The following MTERF4 variants were observed in gnomAD, a reference collection of about 807,000 sequenced individuals.
The protein encoded by MTERF4 is transcription termination factor 4, mitochondrial.
MTERF4 carries 17 observed loss-of-function variants against 22.5 expected under a neutral mutation model. That is an observed-to-expected ratio of 0.75 (90% CI 0.52 to 1.13). The LOEUF is 1.13. Among genes scored for constraint, MTERF4 ranks in the 50% most tolerant of loss-of-function variants. The probability of loss-of-function intolerance (pLI) is 0.00; values close to 1 mark genes in which losing one functional copy is unlikely to be tolerated. For synonymous variants in MTERF4, 165 were observed against 175.3 expected (o/e 0.94, Z 0.47); for missense variants, 420 against 466.8 (o/e 0.90, Z 0.92).
At chr2:241,089,640 G>A (rs1303142703), downstream of MTERF4, among the ~76,000 whole-genome samples, 3 of 152,146 alleles carry the variant, frequency 2.0e-5, no homozygotes, top group Non-Finnish European at 4.4e-5. Flanking sequence ...ATCACTTCCC[G>A]CTCCCACCTC....
intron 1 of MTERF4, 107 bp downstream of exon 1, chr2:241,102,146 G>C: frequency 6.7e-7 from 1 of 1,484,316 alleles, no homozygotes; most frequent in Non-Finnish European, 9.2e-7. Flanking sequence ...GGACCTCCGG[G>C]AGGGCTCCAC....
At chr2:241,086,655 C>T (rs1299890575), downstream of MTERF4, among the ~76,000 whole-genome samples, 1 of 152,202 alleles carries the variant, frequency 6.6e-6, no homozygotes, top group Admixed American at 6.5e-5. Flanking sequence ...GTTACTCTTT[C>T]ATGTCCAGAA....
chr2:241,050,585 T>A, the MTERF4 span, among the ~76,000 whole-genome samples: 1 of 152,232 alleles, frequency 6.6e-6, no homozygotes, highest in Non-Finnish European at 1.5e-5. Context: ...TCCTTGTCCC[T>A]GAGGGAAAGA....
intron 4 of MTERF4, among the ~76,000 whole-genome samples, chr2:241,079,991 CTTGT>C (rs1016654117): frequency 1.4e-4 from 21 of 152,050 alleles, no homozygotes; most frequent in African/African-American, 5.1e-4. Flanking sequence ...AGTTAAAAAT[CTTGT>C]TTGTTTTGGC....
downstream of MTERF4, chr2:241,095,558 C>T (rs2064357703): frequency 5.7e-6 from 1 of 175,496 alleles, no homozygotes; most frequent in African/African-American, 2.4e-5. Flanking sequence ...CTATGATGTA[C>T]TAAAACCTCA....
chr2:241,048,812 A>G, the MTERF4 span: 1 of 1,477,692 alleles, frequency 6.8e-7, no homozygotes, highest in South Asian at 1.2e-5. Flanking sequence ...GAGCATCCTC[A>G]TAATCGGGAA....
Position 241,096,437 on chromosome 2 carries a change from T to C in MTERF4, c.707A>G (p.Tyr236Cys), listed in dbSNP as rs762449461. Residue 236 changes from tyrosine (Y) to cysteine (C), a missense_variant and splice_region_variant, in exon 4 of 4, where the codon TAT becomes TGT. Transcript: ENST00000391980. The surrounding 1 kb of genome is among the most constrained non-coding windows in gnomAD (Gnocchi z 5.1). Reference sequence around the variant, plus strand: ...CTTAATTCCCATCCTGAAGTATGCATACTGGAAGACACAAACACACTTAGG... The same window carrying C: ...CTTAATTCCCATCCTGAAGTATGCACACTGGAAGACACAAACACACTTAGG... ...DLGQLEYKFQ[Y>C]AYFRMGIKHP... 1.9e-6 allele frequency: 3 copies of C among 1,613,794 alleles called. No individual in the cohort carries two copies. The highest frequency in any genetic ancestry group is 1.7e-6 in the Non-Finnish European group (2 of 1,179,890).
intron 4 of MTERF4, among the ~76,000 whole-genome samples, chr2:241,076,875 A>G (rs1025831496): frequency 5.3e-5 from 8 of 152,194 alleles, no homozygotes; most frequent in African/African-American, 1.9e-4. Flanking sequence ...GCGGATCACC[A>G]GGTCAGGAGA....
downstream of MTERF4, among the ~76,000 whole-genome samples, chr2:241,091,000 C>A (rs2063937175): frequency 6.6e-6 from 1 of 152,160 alleles, no homozygotes; most frequent in Non-Finnish European, 1.5e-5. Flanking sequence ...GATTAAGAAT[C>A]CACAAACATA....
chr2:241,082,340 G>A (rs2063367811), downstream of MTERF4: 1 of 1,613,386 alleles, frequency 6.2e-7, no homozygotes, highest in Non-Finnish European at 8.5e-7. Flanking sequence ...TTTCCAGTCT[G>A]GGAGGGAGGC....
chr2:241,091,688 C>G (rs2064017874), downstream of MTERF4: 1 of 152,210 alleles, frequency 6.6e-6, no homozygotes, highest in Admixed American at 6.5e-5. This position sits in a 1 kb window ranked among gnomAD's most constrained non-coding sequence, Gnocchi z 4.1. Context: ...TTTCTAACAC[C>G]CAGGAAGATG....
chr2:241,071,728 C>A (rs555740407), downstream of MTERF4: 1 of 1,309,258 alleles, frequency 7.6e-7, no homozygotes, highest in Non-Finnish European at 1.1e-6. Context: ...CAGGTACATG[C>A]CCCACCCATC....
Position 241,095,926 on chromosome 2 carries a change from C to T in MTERF4, c.*72G>A. The T allele has an allele frequency of 6.5e-7, 1 of 1,534,434 alleles. No individual in the cohort carries two copies. The highest frequency in any genetic ancestry group is 1.3e-5 in the South Asian group (1 of 76,312). On this transcript the variant is annotated 3_prime_UTR_variant, in exon 4 of 4. Coordinates refer to ENST00000391980, the MANE Select transcript of MTERF4 (RefSeq NM_182501.4). The stretch of plus-strand genomic sequence containing the variant: ...ACTTGAGAAGATTCAAGTAAAGGAC[C>T]CAAAAGCTTTAAGAGAATGAAAAGC...
chr2:241,082,014 A>G (rs1288270986), intron 4 of MTERF4, among the ~76,000 whole-genome samples: 1 of 152,214 alleles, frequency 6.6e-6, no homozygotes, highest in African/African-American at 2.4e-5. Context: ...CAGAACAGCC[A>G]CAGCATGCGA....
downstream of MTERF4, chr2:241,091,815 C>T (rs972472666): frequency 3.3e-5 from 5 of 152,650 alleles, no homozygotes; most frequent in African/African-American, 9.6e-5. This position sits in a 1 kb window ranked among gnomAD's most constrained non-coding sequence, Gnocchi z 4.1. Context: ...CCTGTGCACA[C>T]ACCAGCCCAC....
At chr2:241,074,126 C>T (rs535636754) in exon 5 of MTERF4, 1 of 152,324 alleles carries the variant, frequency 6.6e-6, no homozygotes, top group Non-Finnish European at 1.5e-5. Context: ...CTCAACCCAA[C>T]CCCAAAGAAG....
At chr2:241,088,760 C>G (rs1046027925), downstream of MTERF4, 3 of 284,364 alleles carry the variant, frequency 1.1e-5, no homozygotes, top group Non-Finnish European at 2.0e-5. Flanking sequence ...TGGAAGACCA[C>G]CTGGCACCTG....
At chr2:241,052,008 G>A in the MTERF4 span, 70 of 1,591,592 alleles carry the variant, frequency 4.4e-5, no homozygotes, top group Non-Finnish European at 5.9e-5. Flanking sequence ...GAGGGGCAGT[G>A]GGCTGTGACC....
chr2:241,066,093 C>T, the MTERF4 span, among the ~76,000 whole-genome samples: 80 of 152,178 alleles, frequency 5.3e-4, no homozygotes, highest in South Asian at 7.7e-3. Flanking sequence ...TGGGGCAGGC[C>T]CTAGATGGAA....
Sources: gnomAD v4.1 joint callset for allele counts (sites outside exome capture counted in the v4.1 genomes callset) on GRCh38, gnomAD v4.1.1 for gene constraint, Gnocchi (gnomAD v3.1) non-coding constraint, MANE v1.5 for transcripts, NCBI Gene and HGNC (gene_info 2026-07-23, HGNC 2026-07-21) for gene names.